Variants in TMEM33 observed in about 807,000 individuals in gnomAD.
TMEM33 encodes the protein transmembrane protein 33.
Under a neutral mutation model 29.7 loss-of-function variants are expected in TMEM33, and 16 were observed. The ratio of observed to expected loss-of-function variants is 0.54; its 90% CI spans 0.36 to 0.82. The LOEUF (loss-of-function observed/expected upper bound fraction) is 0.82, where lower values mean the gene tolerates loss of function less well. TMEM33 is among the 40% of genes least tolerant of loss of function. TMEM33 has a pLI of 0.00. For synonymous variants in TMEM33, 112 were observed against 109.4 expected, an observed-to-expected ratio of 1.02 and a Z score of -0.15; for missense variants, 252 against 295.3, an observed-to-expected ratio of 0.85 and a Z score of 1.08.
chr4:41,945,824 A>G (rs1354753695), intron 5 of TMEM33, among the ~76,000 whole-genome samples: 2 of 151,980 alleles, frequency 1.3e-5, no homozygotes, highest in Non-Finnish European at 2.9e-5. Context: ...TACAAAAATT[A>G]GCCAGGCATG....
chr4:41,944,565 T>A (rs1712694221), intron 4 of TMEM33, among the ~76,000 whole-genome samples: 1 of 152,194 alleles, frequency 6.6e-6, no homozygotes, highest in Admixed American at 6.5e-5. Flanking sequence ...CAGCTAAGAA[T>A]GAAAAGTACT....
rs1423667535 is a variant in TMEM33, at chr4:41,943,814, C to T, written c.396C>T (p.Asp132=). Reference sequence around the variant, plus strand: ...CCACATATACGAAAAAGGTCCTTGACGTAAGTAAAACTGCTCTTTGTCTGA... The same window carrying T: ...CCACATATACGAAAAAGGTCCTTGATGTAAGTAAAACTGCTCTTTGTCTGA... ...HAATYTKKVL[D]ARGSNSLPLL... is the part of the protein sequence containing the mutation. The change falls in exon 4 of 7, where the codon GAC becomes GAT. Residue 132 remains aspartate (D), a splice_region_variant and synonymous_variant. Coordinates refer to ENST00000504986, the MANE Select transcript of TMEM33 (RefSeq NM_018126.3). 10 of 1,613,444 alleles carry T rather than the reference C, an allele frequency of 6.2e-6. No individual in the cohort carries two copies. The East Asian group carries it at 6.7e-5, about 11-fold the overall frequency.
chr4:41,949,690 C>T (rs1363970808), intron 6 of TMEM33, among the ~76,000 whole-genome samples: 3 of 152,060 alleles, frequency 2.0e-5, no homozygotes, highest in Non-Finnish European at 4.4e-5. Flanking sequence ...AAACAAAACA[C>T]GTGTCAATTA....
rs1181320373 is a variant in TMEM33, at chr4:41,959,899, G to A, written c.*5700G>A. 6.6e-6 allele frequency: 1 copy of A among 152,112 alleles called. No individual in the cohort carries two copies. The highest frequency in any genetic ancestry group is 1.5e-5 in the Non-Finnish European group (1 of 67,988). 9.4% of individuals were successfully genotyped at this position (152,112 alleles called of 1,614,324 possible). On this transcript the variant is annotated 3_prime_UTR_variant, in exon 7 of 7. Transcript: ENST00000504986. ...ATTGAACTAAAAATTTGTATATACAGTATGTCAGCATTTCTTAGTAACTTC... is the reference window on the plus strand; with the variant it reads ...ATTGAACTAAAAATTTGTATATACAATATGTCAGCATTTCTTAGTAACTTC...
intron 1 of TMEM33, 91 bp downstream of exon 1, chr4:41,935,620 A>C: frequency 3.1e-5 from 41 of 1,303,022 alleles, no homozygotes; most frequent in Non-Finnish European, 4.0e-5. Flanking sequence ...CCAGAAGCTC[A>C]GTGCATTCAG....
chr4:41,947,311 C>T (rs74865909), intron 5 of TMEM33, among the ~76,000 whole-genome samples: 3,439 of 151,666 alleles, frequency 0.023, 142 homozygotes, highest in African/African-American at 0.078. Context: ...CTGAAACCTC[C>T]AGATTCTGTT....
At chr4:41,944,969 C>T (rs750566805) in intron 5 of TMEM33, 43 bp downstream of exon 5, 12 of 1,597,354 alleles carry the variant, frequency 7.5e-6, no homozygotes, top group East Asian at 4.5e-5. Flanking sequence ...GATGACTGAA[C>T]GTAATAAAGA....
intron 1 of TMEM33, 59 bp from the exon 2 acceptor site, chr4:41,938,543 T>G (rs1712357747): frequency 9.4e-6 from 14 of 1,490,968 alleles, no homozygotes; most frequent in African/African-American, 1.4e-5. Context: ...CACACAGTCT[T>G]GATGCTTAAA....
At chr4:41,945,033 T>C (rs1389670365) in intron 5 of TMEM33, 107 bp downstream of exon 5, 2 of 1,382,772 alleles carry the variant, frequency 1.4e-6, no homozygotes, top group Non-Finnish European at 9.7e-7. Context: ...TATTGACATG[T>C]AGAGCTAAAT....
intron 3 of TMEM33, among the ~76,000 whole-genome samples, chr4:41,942,484 C>T (rs1712585975): frequency 6.6e-6 from 1 of 152,104 alleles, no homozygotes; most frequent in Non-Finnish European, 1.5e-5. Context: ...GAATTTGATA[C>T]TCAGATTATG....
chr4:41,941,820 T>C (rs1376098227), intron 3 of TMEM33, among the ~76,000 whole-genome samples: 1 of 152,222 alleles, frequency 6.6e-6, no homozygotes, highest in Non-Finnish European at 1.5e-5. Context: ...AAAAGTGATA[T>C]TTTGTCCTTG....
intron 5 of TMEM33, 38 bp downstream of exon 5, chr4:41,944,964 C>G (rs1577651206): frequency 6.2e-7 from 1 of 1,602,788 alleles, no homozygotes; most frequent in East Asian, 2.2e-5. Context: ...AGGCTGATGA[C>G]TGAACGTAAT....
chr4:41,939,708 G>A (rs144394279), intron 3 of TMEM33: 14 of 464,044 alleles, frequency 3.0e-5, no homozygotes, highest in Middle Eastern at 3.2e-4. Flanking sequence ...TTTAATTCAC[G>A]TTTTTGGCAA....
chr4:41,941,648 C>G (rs1712547206), intron 3 of TMEM33, among the ~76,000 whole-genome samples: 1 of 152,136 alleles, frequency 6.6e-6, no homozygotes, highest in Non-Finnish European at 1.5e-5. Context: ...TTAAGGATTT[C>G]ATATTCCTTA....
chr4:41,953,897 A>G (rs1231549605), intron 6 of TMEM33, 173 bp from the exon 7 acceptor site: 4 of 718,070 alleles, frequency 5.6e-6, no homozygotes, highest in East Asian at 2.8e-5. Flanking sequence ...ACGCAGAGAC[A>G]TGAAGTGAGC....
chr4:41,949,219 T>C, intron 5 of TMEM33, 83 bp from the exon 6 acceptor site: 1 of 838,980 alleles, frequency 1.2e-6, no homozygotes, highest in Non-Finnish European at 1.9e-6. Flanking sequence ...ACACATATTC[T>C]CCAGTTGAAT....
Position 41,957,894 on chromosome 4 carries a change from G to T in TMEM33, c.*3695G>T, listed in dbSNP as rs1713331980. ...CCCCCCATTTTCACATGATGTGTTTGAAGGTTAAATGCCACCAAAAGTGCT... is the reference window on the plus strand; with the variant it reads ...CCCCCCATTTTCACATGATGTGTTTTAAGGTTAAATGCCACCAAAAGTGCT... On this transcript the variant is annotated 3_prime_UTR_variant, in exon 7 of 7. Transcript: ENST00000504986. 6.6e-6 allele frequency: 1 copy of T among 152,138 alleles called. No individual in the cohort carries two copies. The highest frequency in any genetic ancestry group is 2.4e-5 in the African/African-American group (1 of 41,422). 9.4% of individuals were successfully genotyped at this position (152,138 alleles called of 1,614,324 possible). A position where few individuals can be genotyped will look rare whatever the true frequency, so the allele number is the denominator to read the frequency against.
upstream of TMEM33, chr4:41,935,361 C>A: frequency 9.3e-7 from 1 of 1,073,130 alleles, no homozygotes; most frequent in Non-Finnish European, 1.4e-6. Flanking sequence ...CAGGGTGCAT[C>A]CGGCCTGTGT....
chr4:41,943,812 G>A lies in TMEM33; in HGVS notation c.394G>A (p.Asp132Asn). The A allele has an allele frequency of 2.5e-6, 4 of 1,613,608 alleles. No homozygotes were observed. The highest frequency in any genetic ancestry group is 3.4e-6 in the Non-Finnish European group (4 of 1,179,724). Residue 132 changes from aspartate to asparagine, a missense_variant and splice_region_variant, in exon 4 of 7, where the codon GAC becomes AAC. Transcript: ENST00000504986. ...TGCCACATATACGAAAAAGGTCCTTGACGTAAGTAAAACTGCTCTTTGTCT... is the reference window on the plus strand; with the variant it reads ...TGCCACATATACGAAAAAGGTCCTTAACGTAAGTAAAACTGCTCTTTGTCT... Reference protein sequence around the residue: ...HAATYTKKVLDARGSNSLPLL... With the variant: ...HAATYTKKVLNARGSNSLPLL...
Sources: gnomAD v4.1 joint callset for allele counts (sites outside exome capture counted in the v4.1 genomes callset) on GRCh38, gnomAD v4.1.1 for gene constraint, MANE v1.5 for transcripts, NCBI Gene and HGNC (gene_info 2026-07-23, HGNC 2026-07-21) for gene names.